Variants in DLG2 observed in about 807,000 individuals in gnomAD.
DLG2 encodes discs large MAGUK scaffold protein 2, also known as disks large homolog 2.
A neutral mutation model predicts 132.5 loss-of-function variants in DLG2; 45 were observed. The observed-to-expected ratio is 0.34, with a 90% CI of 0.27 to 0.44. The LOEUF (loss-of-function observed/expected upper bound fraction) is 0.44, where lower values mean the gene tolerates loss of function less well. DLG2 is among the 20% of genes least tolerant of loss of function. DLG2 has a pLI of 1.00. For synonymous variants in DLG2, 424 were observed against 419.6 expected (o/e 1.01, Z -0.13); for missense variants, 1,045 against 1,196.9 (o/e 0.87, Z 1.87).
At chr11:83,480,947 G>A (rs1257992160) in intron 22 of DLG2, among the ~76,000 whole-genome samples, 1 of 152,066 alleles carries the variant, frequency 6.6e-6, no homozygotes, top group East Asian at 1.9e-4. Flanking sequence ...ACATTCTCAG[G>A]ATGAAAAGGA....
Position 83,861,691 on chromosome 11 carries a change from T to A in DLG2, c.1565+12729A>T, listed in dbSNP as rs534882657. Among the ~76,000 whole-genome samples the A allele has an allele frequency of 8.6e-5, 13 of 151,986 alleles. 1 individual carries two copies. The highest frequency in any genetic ancestry group is 1.6e-4 in the Non-Finnish European group (11 of 67,992). ...TCGAAACAATTGAACTCATGGAGATTGAGAGTAGAAGGATAGTTACCCGAG... is the reference window on the plus strand; with the variant it reads ...TCGAAACAATTGAACTCATGGAGATAGAGAGTAGAAGGATAGTTACCCGAG... On this transcript the variant is annotated intron_variant, in intron 16 of 27. Coordinates refer to ENST00000376104, the MANE Select transcript of DLG2 (RefSeq NM_001142699.3).
intron 15 of DLG2, among the ~76,000 whole-genome samples, chr11:83,918,935 G>A (rs912038935): frequency 6.6e-6 from 1 of 152,178 alleles, no homozygotes; most frequent in Non-Finnish European, 1.5e-5. Flanking sequence ...TCAACATGGA[G>A]CTCCAGTGTG....
At chr11:84,381,036 A>G (rs1175433461) in intron 7 of DLG2, among the ~76,000 whole-genome samples, 1 of 152,092 alleles carries the variant, frequency 6.6e-6, no homozygotes, top group Non-Finnish European at 1.5e-5. Flanking sequence ...ATTAGGAATG[A>G]AAAGGGAGAC....
intron 6 of DLG2, among the ~76,000 whole-genome samples, chr11:84,874,788 A>G (rs2086066124): frequency 6.6e-6 from 1 of 152,096 alleles, no homozygotes; most frequent in Non-Finnish European, 1.5e-5. Flanking sequence ...CCGGAGGCCG[A>G]GGCGAGCTGA....
At chr11:84,953,691 C>T (rs188236268) in intron 6 of DLG2, among the ~76,000 whole-genome samples, 134 of 152,184 alleles carry the variant, frequency 8.8e-4, no homozygotes, top group African/African-American at 3.2e-3. Flanking sequence ...AATCATGTTC[C>T]ATCCTACTTT....
chr11:83,576,162 T>C (rs1565875948), intron 19 of DLG2, among the ~76,000 whole-genome samples: 1 of 152,128 alleles, frequency 6.6e-6, no homozygotes, highest in Non-Finnish European at 1.5e-5. Context: ...CCTAAAATAT[T>C]AATGAACATA....
intron 3 of DLG2, among the ~76,000 whole-genome samples, chr11:85,378,869 A>G (rs980452721): frequency 6.6e-6 from 1 of 152,204 alleles, no homozygotes; most frequent in Non-Finnish European, 1.5e-5. Context: ...TGTACCTACT[A>G]TTAAAATTAT....
At chr11:85,463,470 T>C (rs531067395) in intron 3 of DLG2, among the ~76,000 whole-genome samples, 1 of 152,176 alleles carries the variant, frequency 6.6e-6, no homozygotes, top group African/African-American at 2.4e-5. Flanking sequence ...ATAAGAAATG[T>C]GTAGAATGAA....
intron 3 of DLG2, among the ~76,000 whole-genome samples, chr11:85,470,190 G>A (rs1597631200): frequency 1.5e-5 from 2 of 137,538 alleles, no homozygotes; most frequent in African/African-American, 5.3e-5. Flanking sequence ...AGAAAGACAT[G>A]AAAACCAAAT....
intron 3 of DLG2, among the ~76,000 whole-genome samples, chr11:85,435,375 G>A (rs562166154): frequency 1.6e-4 from 24 of 152,216 alleles, no homozygotes; most frequent in Middle Eastern, 6.8e-3. Context: ...TCAAATTGTC[G>A]CTGTTTGCAG....
At chr11:84,508,216 A>G (rs563466951) in intron 7 of DLG2, among the ~76,000 whole-genome samples, 6 of 151,962 alleles carry the variant, frequency 3.9e-5, no homozygotes, top group African/African-American at 1.4e-4. Flanking sequence ...ACTTCCTACT[A>G]CTTTGTCTTC....
chr11:85,102,930 C>A (rs1031918951), intron 6 of DLG2, among the ~76,000 whole-genome samples: 2 of 151,900 alleles, frequency 1.3e-5, no homozygotes, highest in South Asian at 2.1e-4. Context: ...GGTAAGGTTG[C>A]TGATACAAGA....
intron 7 of DLG2, among the ~76,000 whole-genome samples, chr11:84,469,478 G>A (rs965440185): frequency 6.6e-6 from 1 of 151,706 alleles, no homozygotes; most frequent in African/African-American, 2.4e-5. Context: ...AGTAAGACAT[G>A]GTAGGAGAGC....
At chr11:84,649,120 G>T (rs2099678514) in intron 6 of DLG2, among the ~76,000 whole-genome samples, 1 of 151,954 alleles carries the variant, frequency 6.6e-6, no homozygotes, top group Admixed American at 6.6e-5. Flanking sequence ...TTTGAATTGG[G>T]GCCATTTTTC....
At chr11:84,627,430 T>C (rs1038527596) in intron 6 of DLG2, among the ~76,000 whole-genome samples, 3 of 152,226 alleles carry the variant, frequency 2.0e-5, no homozygotes, top group African/African-American at 7.2e-5. Flanking sequence ...ACTACAAAAA[T>C]TAAATTAGTA....
At chr11:83,610,901 A>G (rs1283805131) in intron 19 of DLG2, among the ~76,000 whole-genome samples, 1 of 152,208 alleles carries the variant, frequency 6.6e-6, no homozygotes, top group African/African-American at 2.4e-5. Flanking sequence ...AAACAAATTA[A>G]AACCCACATC....
chr11:83,991,072 G>T (rs944616749), intron 11 of DLG2, among the ~76,000 whole-genome samples: 2 of 152,078 alleles, frequency 1.3e-5, no homozygotes, highest in Non-Finnish European at 2.9e-5. Flanking sequence ...AGAAAATTTT[G>T]CTTTAACAAA....
At chr11:85,530,680 C>G (rs1007076823) in intron 3 of DLG2, among the ~76,000 whole-genome samples, 1 of 152,112 alleles carries the variant, frequency 6.6e-6, no homozygotes, top group African/African-American at 2.4e-5. Context: ...GCCTATTGCT[C>G]AAAGTATTCT....
At chr11:84,956,423 A>G (rs1202502194) in intron 6 of DLG2, among the ~76,000 whole-genome samples, 1 of 152,200 alleles carries the variant, frequency 6.6e-6, no homozygotes, top group African/African-American at 2.4e-5. Flanking sequence ...AAGAGAAGTA[A>G]ACAGTTCAGA....
Sources: allele counts gnomAD v4.1 joint callset (sites outside exome capture counted in the v4.1 genomes callset), GRCh38; gene constraint gnomAD v4.1.1; transcripts MANE v1.5; gene names NCBI Gene and HGNC (gene_info 2026-07-23, HGNC 2026-07-21).